The following GSDME variants were observed in gnomAD, a reference collection of about 807,000 sequenced individuals.
GSDME encodes the protein gasdermin E.
In GSDME, 44 loss-of-function variants were observed where a neutral mutation model predicts 47.5. The ratio of observed to expected loss-of-function variants is 0.93; its 90% CI spans 0.73 to 1.19. The LOEUF is 1.19. Ranked by LOEUF, GSDME falls within the 50% of genes most tolerant of loss-of-function variation. The pLI is 0.00. For synonymous variants in GSDME, 258 were observed against 252.8 expected (o/e 1.02, Z -0.20); for missense variants, 663 against 604.2 (o/e 1.10, Z -1.02).
the GSDME span, among the ~76,000 whole-genome samples, chr7:24,769,239 T>G: frequency 1.3e-5 from 2 of 152,148 alleles, no homozygotes; most frequent in African/African-American, 2.4e-5. Context: ...ATTGCTTGCA[T>G]GGGAAACCCT....
chr7:24,744,216 AG>A lies in GSDME; in HGVS notation c.404+345del. 1 of 266,918 alleles carries A rather than the reference AG, an allele frequency of 3.7e-6. No individual in the cohort carries two copies. The highest frequency in any genetic ancestry group is 5.2e-5 in the South Asian group (1 of 19,072). 16.5% of individuals were successfully genotyped at this position (266,918 alleles called of 1,614,324 possible). On this transcript the variant is annotated intron_variant, in intron 3 of 9. Coordinates refer to ENST00000645220, the MANE Select transcript of GSDME (RefSeq NM_001127453.2). The surrounding 1 kb of genome is among the most constrained non-coding windows in gnomAD (Gnocchi z 4.5). Reference sequence around the variant, plus strand: ...TTTCATCAGAAAATTATAGAGCCAGAGGGGGGTCATGACTTCCTGGCTTCTA... The same window carrying A: ...TTTCATCAGAAAATTATAGAGCCAGAGGGGGTCATGACTTCCTGGCTTCTA...
At chr7:24,775,704 G>A in the GSDME span, among the ~76,000 whole-genome samples, 354 of 151,864 alleles carry the variant, frequency 2.3e-3, no homozygotes, top group African/African-American at 8.0e-3. Flanking sequence ...GTGAAACCCC[G>A]TCTATACTCA....
the GSDME span, among the ~76,000 whole-genome samples, chr7:24,771,227 A>G: frequency 6.6e-6 from 1 of 152,234 alleles, no homozygotes; most frequent in South Asian, 2.1e-4. The surrounding 1 kb of genome is among the most constrained non-coding windows in gnomAD (Gnocchi z 4.1). Flanking sequence ...ACATGGGGCA[A>G]CTTTTGGAAT....
At chr7:24,731,184 A>G (rs970819815) in intron 3 of GSDME, among the ~76,000 whole-genome samples, 5 of 152,244 alleles carry the variant, frequency 3.3e-5, no homozygotes, top group African/African-American at 1.2e-4. Flanking sequence ...GACAAGGCCC[A>G]TGAAGGTCTT....
intron 5 of GSDME, among the ~76,000 whole-genome samples, chr7:24,713,081 G>T (rs186820747): frequency 6.6e-6 from 1 of 151,946 alleles, no homozygotes; most frequent in Non-Finnish European, 1.5e-5. Flanking sequence ...TGACATGGAA[G>T]CCTTCATAAG....
At chr7:24,749,999 G>C (rs1790805426) in intron 1 of GSDME, among the ~76,000 whole-genome samples, 1 of 152,170 alleles carries the variant, frequency 6.6e-6, no homozygotes, top group Non-Finnish European at 1.5e-5. Flanking sequence ...GTCTGGATAT[G>C]CTAGGTTACG....
rs893195975 is a variant in GSDME, at chr7:24,721,098, G to A, written c.405-1880C>T. Among the ~76,000 whole-genome samples the A allele has an allele frequency of 2.7e-5, 4 of 149,236 alleles. No homozygotes were observed. The highest frequency in any genetic ancestry group is 6.6e-5 in the Admixed American group (1 of 15,198). ...GAGGTTACCGGGGCTGCAGGGCTTC[G>A]CTGCCTGATGGCTGCAGAGTTCCTA... On this transcript the variant is annotated intron_variant, in intron 3 of 9. Transcript: ENST00000645220. This position sits in a 1 kb window ranked among gnomAD's most constrained non-coding sequence, Gnocchi z 4.1.
intron 9 of GSDME, among the ~76,000 whole-genome samples, chr7:24,701,280 G>GTCTT (rs1363704157): frequency 6.6e-6 from 1 of 152,226 alleles, no homozygotes; most frequent in Non-Finnish European, 1.5e-5. Context: ...GAAAAAGGAG[G>GTCTT]TCTTTGACTA....
intron 7 of GSDME, among the ~76,000 whole-genome samples, chr7:24,707,012 T>G (rs1182450604): frequency 6.6e-6 from 1 of 152,200 alleles, no homozygotes; most frequent in Non-Finnish European, 1.5e-5. Context: ...TTGGAAGAAG[T>G]TATTTTCGGA....
At chr7:24,709,604 T>C (rs2521755) in intron 6 of GSDME, among the ~76,000 whole-genome samples, 93,745 of 151,960 alleles carry the variant, frequency 0.62, 30,839 homozygotes, top group East Asian at 0.99. Flanking sequence ...TATTTGTTTC[T>C]CCTTTTCCTT....
the GSDME span, among the ~76,000 whole-genome samples, chr7:24,780,222 A>G: frequency 6.6e-6 from 1 of 152,218 alleles, no homozygotes; most frequent in Non-Finnish European, 1.5e-5. This position sits in a 1 kb window ranked among gnomAD's most constrained non-coding sequence, Gnocchi z 4.1. Context: ...CTAGAGTTAC[A>G]TATTAGAAAC....
intron 1 of GSDME, among the ~76,000 whole-genome samples, chr7:24,751,194 CAT>C (rs1209086120): frequency 6.6e-6 from 1 of 152,146 alleles, no homozygotes; most frequent in Non-Finnish European, 1.5e-5. Flanking sequence ...CCAAGAGAAA[CAT>C]AGGCAATGGT....
intron 5 of GSDME, among the ~76,000 whole-genome samples, chr7:24,713,231 CCT>C (rs1233703985): frequency 6.6e-6 from 1 of 152,150 alleles, no homozygotes; most frequent in Non-Finnish European, 1.5e-5. Flanking sequence ...TGTCTCTTCA[CCT>C]CTCTGTGTCC....
At position 24,732,643 on chromosome 7, in the gene GSDME, A is replaced by G. The variant is rs1323739593; in HGVS notation, c.404+11919T>C. ...GTGCTGTAGGAGGGAGAGCACAGCA[A>G]CTGTGGGACTTTGCATGGAACTCAG... On this transcript the variant is annotated intron_variant, in intron 3 of 9. Transcript: ENST00000645220. The surrounding 1 kb of genome is among the most constrained non-coding windows in gnomAD (Gnocchi z 4.8). Among the ~76,000 whole-genome samples, 2 of 152,202 alleles carry G rather than the reference A, an allele frequency of 1.3e-5. No homozygotes were observed. Among genetic ancestry groups the G allele is most frequent in the African/African-American group, 2.4e-5 (1 of 41,446 alleles).
chr7:24,747,617 AACT>A (rs544792867), intron 2 of GSDME, among the ~76,000 whole-genome samples: 11 of 152,216 alleles, frequency 7.2e-5, no homozygotes, highest in Non-Finnish European at 1.0e-4. Context: ...TTGCCTAAAA[AACT>A]ACAACAAAAA....
Position 24,699,066 on chromosome 7 carries a change from G to A in GSDME, c.1451C>T (p.Thr484Ile). ...GCCTAAAGCACAGAGTCCATTCAGG[G>A]TTATACAAAGAAGCAGTGGGAAGAC... ...SKVFPLLLCI[T>I]LNGLCALGRE... is the part of the protein sequence containing the mutation. Residue 484 changes from threonine to isoleucine, a missense_variant, in exon 10 of 10, where the codon ACC becomes ATC. Physicochemically the swap from Thr to Ile is moderately conservative, Grantham distance 89 (BLOSUM62 -1). Coordinates refer to ENST00000645220, the MANE Select transcript of GSDME (RefSeq NM_001127453.2). 3 of 1,614,030 alleles carry A rather than the reference G, an allele frequency of 1.9e-6. No homozygotes were observed. The highest frequency in any genetic ancestry group is 4.5e-5 in the East Asian group (2 of 44,870).
At chr7:24,722,686 A>G (rs1247267041) in intron 3 of GSDME, among the ~76,000 whole-genome samples, 1 of 152,200 alleles carries the variant, frequency 6.6e-6, no homozygotes, top group Non-Finnish European at 1.5e-5. Context: ...CACTGCTCCT[A>G]GCCAGTGTGA....
Position 24,714,439 on chromosome 7 carries a change from G to A in GSDME, c.697+2815C>T, listed in dbSNP as rs1341522535. ...ACAGAAAACGGATGGGCAAAAAAAA[G>A]AAAAGAAATAGCAGAACTGGTTTAA... On this transcript the variant is annotated intron_variant, in intron 5 of 9. Coordinates refer to ENST00000645220, the MANE Select transcript of GSDME (RefSeq NM_001127453.2). This position sits in a 1 kb window ranked among gnomAD's most constrained non-coding sequence, Gnocchi z 5.0. Among the ~76,000 whole-genome samples, 2 of 152,058 alleles carry A rather than the reference G, an allele frequency of 1.3e-5. No homozygotes were observed. Among genetic ancestry groups the A allele is most frequent in the Non-Finnish European group, 2.9e-5 (2 of 68,010 alleles).
At position 24,745,831 on chromosome 7, in the gene GSDME, C is replaced by T. The variant is rs763841079; in HGVS notation, c.212-1077G>A. On this transcript the variant is annotated intron_variant, in intron 2 of 9. Coordinates refer to ENST00000645220, the MANE Select transcript of GSDME (RefSeq NM_001127453.2). The surrounding 1 kb of genome is among the most constrained non-coding windows in gnomAD (Gnocchi z 4.4). The stretch of plus-strand genomic sequence containing the variant: ...GCCAGCCTGGGTGACAGAGCAACAC[C>T]TTATCTCTAAGAAAATATAAAAATA... 3.9e-5 allele frequency among the ~76,000 whole-genome samples: 6 copies of T among 152,044 alleles called. No homozygotes were observed. Among genetic ancestry groups the T allele is most frequent in the Non-Finnish European group, 5.9e-5 (4 of 67,998 alleles).
Sources: allele counts gnomAD v4.1 joint callset (sites outside exome capture counted in the v4.1 genomes callset), GRCh38; gene constraint gnomAD v4.1.1; non-coding constraint Gnocchi (gnomAD v3.1); transcripts MANE v1.5; gene names NCBI Gene and HGNC (gene_info 2026-07-23, HGNC 2026-07-21).